SMARCB1: variants seen among roughly 807,000 people sequenced by gnomAD.
The protein encoded by SMARCB1 is SWI/SNF related BAF chromatin remodeling complex subunit B1.
A neutral mutation model predicts 49.0 loss-of-function variants in SMARCB1; 5 were observed. That is an observed-to-expected ratio of 0.10 (90% confidence interval 0.05 to 0.21). The LOEUF (loss-of-function observed/expected upper bound fraction) is 0.21. Among genes scored for constraint, SMARCB1 ranks in the 10% least tolerant of loss-of-function variants. The pLI is 1.00. For missense variants in SMARCB1, 226 were observed against 509.2 expected (o/e 0.44, Z 5.35); for synonymous variants, 201 against 200.1 (o/e 1.00, Z -0.04).
chr22:23,807,418 T>C (rs1245601881), intron 5 of SMARCB1, among the ~76,000 whole-genome samples: 1 of 152,038 alleles, frequency 6.6e-6, no homozygotes, highest in Non-Finnish European at 1.5e-5. Flanking sequence ...ACCCCATTTC[T>C]ACAAAAATTC....
At chr22:23,827,625 C>T (rs2146031518) in intron 7 of SMARCB1, among the ~76,000 whole-genome samples, 1 of 152,360 alleles carries the variant, frequency 6.6e-6, no homozygotes, top group Non-Finnish European at 1.5e-5. Flanking sequence ...AGGCAAAGGC[C>T]ATCCCGCTGG....
chr22:23,807,445 C>T (rs760858495), intron 5 of SMARCB1, among the ~76,000 whole-genome samples: 1 of 151,984 alleles, frequency 6.6e-6, no homozygotes, highest in Non-Finnish European at 1.5e-5. Flanking sequence ...TGTGGTAGCA[C>T]GTGCCTGTGA....
chr22:23,808,121 A>G (rs1457211626), intron 5 of SMARCB1, among the ~76,000 whole-genome samples: 5 of 145,918 alleles, frequency 3.4e-5, no homozygotes, highest in Non-Finnish European at 7.5e-5. Context: ...AGGCCCGGCT[A>G]ATTTTTTGTA....
At chr22:23,825,124 C>G in intron 6 of SMARCB1, 101 bp from the exon 7 acceptor site, 2 of 914,062 alleles carry the variant, frequency 2.2e-6, no homozygotes, top group Non-Finnish European at 3.6e-6. Flanking sequence ...GCTGGTGGAC[C>G]CTGGTGGGCA....
rs1249894415 is a variant in SMARCB1 at position 23,837,855 on chromosome 22, C to G, written c.*3675C>G. 2 of 1,610,582 alleles carry G rather than the reference C, an allele frequency of 1.2e-6. No homozygotes were observed. Among genetic ancestry groups the G allele is most frequent in the Non-Finnish European group, 1.7e-6 (2 of 1,178,012 alleles). ...ACAGGCTGCCCAGGAGTCCCAGCAG[C>G]TGGGCCAGAGTCAAGGTGCTCCGGT... is the stretch of plus-strand genomic sequence containing the variant. On this transcript the variant is annotated 3_prime_UTR_variant, in exon 9 of 9. Coordinates refer to ENST00000644036, the MANE Select transcript of SMARCB1 (RefSeq NM_003073.5).
rs1053449485 is a variant in SMARCB1, at chr22:23,803,798, A to G, written c.628+376A>G. On this transcript the variant is annotated intron_variant, in intron 5 of 8. Coordinates refer to ENST00000644036, the MANE Select transcript of SMARCB1 (RefSeq NM_003073.5). ...CTCTGCTTCTGCTGTGTGAGGCTGC[A>G]TGTGTGCCCCGTGCCTCTCTCCTCC... 3.1e-5 allele frequency: 11 copies of G among 356,946 alleles called. No homozygotes were observed. In the Admixed American group the frequency reaches 3.8e-4, roughly 12 times the overall value. 22.1% of individuals were successfully genotyped at this position (356,946 alleles called of 1,614,324 possible). A position where few individuals can be genotyped will look rare whatever the true frequency, so the allele number is the denominator to read the frequency against.
At chr22:23,828,757 G>A (rs895513798) in intron 7 of SMARCB1, among the ~76,000 whole-genome samples, 2 of 152,206 alleles carry the variant, frequency 1.3e-5, no homozygotes, top group African/African-American at 4.8e-5. Flanking sequence ...CTCAGTGCCT[G>A]ACTTCCATAC....
chr22:23,825,547 T>TAG (rs1303689806), intron 7 of SMARCB1, 132 bp downstream of exon 7: 8 of 796,630 alleles, frequency 1.0e-5, no homozygotes, highest in Non-Finnish European at 1.6e-5. Context: ...GGGGTCTGTG[T>TAG]GTTTGCTCCG....
chr22:23,835,844 G>A lies in SMARCB1; in HGVS notation c.*1664G>A. ...TCGGGCAGGGCCACCTGGCTGGGAGGTGCCGGGAAGGCTGGGCCCTCACTC... is the reference window on the plus strand; with the variant it reads ...TCGGGCAGGGCCACCTGGCTGGGAGATGCCGGGAAGGCTGGGCCCTCACTC... On this transcript the variant is annotated 3_prime_UTR_variant, in exon 9 of 9. Transcript: ENST00000644036. 1 of 984,242 alleles carries A rather than the reference G, an allele frequency of 1.0e-6. No individual in the cohort carries two copies. Among genetic ancestry groups the A allele is most frequent in the Non-Finnish European group, 1.2e-6 (1 of 829,582 alleles). 61.0% of individuals were successfully genotyped at this position (984,242 alleles called of 1,614,324 possible).
At chr22:23,811,544 C>G (rs1929870776) in intron 5 of SMARCB1, among the ~76,000 whole-genome samples, 1 of 152,194 alleles carries the variant, frequency 6.6e-6, no homozygotes, top group Non-Finnish European at 1.5e-5. Context: ...AGTGTGTTCT[C>G]CAACCACAAT....
chr22:23,830,383 C>T (rs9608204), intron 7 of SMARCB1, among the ~76,000 whole-genome samples: 4 of 152,182 alleles, frequency 2.6e-5, no homozygotes, highest in Non-Finnish European at 4.4e-5. Flanking sequence ...TTGCATTTTT[C>T]TAATGACTGA....
At chr22:23,804,310 T>G (rs573984675) in intron 5 of SMARCB1, 1 of 152,154 alleles carries the variant, frequency 6.6e-6, no homozygotes, top group South Asian at 2.1e-4. Flanking sequence ...GCTCAAGCAG[T>G]CCTCCTGCCA....
In SMARCB1 at chr22:23,834,165, G is replaced by A. The variant is rs750187119; in HGVS notation, c.1143G>A (p.Thr381=). 36 of 1,593,404 alleles carry A rather than the reference G, an allele frequency of 2.3e-5. No homozygotes were observed. Among genetic ancestry groups the A allele is most frequent in the Middle Eastern group, 1.6e-4 (1 of 6,062 alleles). The stretch of plus-strand genomic sequence containing the variant: ...GGCGGATGAGGCGTCTTGCCAACAC[G>A]GCCCCGGCCTGGTAACCAGCCCATC... ...NTRRMRRLAN[T]APAW is the part of the protein sequence containing the mutation. Residue 381 remains threonine (T), a synonymous_variant, in exon 9 of 9, where the codon ACG becomes ACA. Transcript: ENST00000644036.
At chr22:23,800,870 A>G in intron 3 of SMARCB1, 74 bp from the exon 4 acceptor site, 1 of 1,128,408 alleles carries the variant, frequency 8.9e-7, no homozygotes, top group Non-Finnish European at 1.4e-6. Flanking sequence ...GCATCCCTGG[A>G]GCATTAGTTG....
chr22:23,791,898 C>T lies in SMARCB1; in HGVS notation c.232+4C>T, dbSNP rs2145960673. 1 of 1,613,694 alleles carries T rather than the reference C, an allele frequency of 6.2e-7. No homozygotes were observed. The highest frequency in any genetic ancestry group is 8.5e-7 in the Non-Finnish European group (1 of 1,179,628). On this transcript the variant is annotated splice_donor_region_variant and intron_variant, in intron 2 of 8. Coordinates refer to ENST00000644036, the MANE Select transcript of SMARCB1 (RefSeq NM_003073.5). ...AAAACAAAACCTAACACTAAGGGTG[C>T]GTCTTCACGAGGGTTTGTAAACCTG...
intron 3 of SMARCB1, 76 bp downstream of exon 3, chr22:23,793,764 G>T (rs1928559693): frequency 4.1e-5 from 52 of 1,263,368 alleles, no homozygotes; most frequent in Non-Finnish European, 5.5e-5. Flanking sequence ...TGGTTGGGTT[G>T]AAGTTAAATT....
chr22:23,801,451 G>C (rs1315312918), intron 4 of SMARCB1: 2 of 547,826 alleles, frequency 3.7e-6, no homozygotes, highest in Non-Finnish European at 3.5e-6. Context: ...CCCAGAGCCT[G>C]CTGGAGTAAA....
chr22:23,793,494 A>G, intron 2 of SMARCB1, 65 bp from the exon 3 acceptor site: 1 of 1,585,776 alleles, frequency 6.3e-7, no homozygotes, highest in Admixed American at 1.7e-5. Flanking sequence ...TGCTGCATCC[A>G]CTTGGCTGGC....
intron 4 of SMARCB1, chr22:23,801,588 C>T: frequency 2.8e-6 from 1 of 351,210 alleles, no homozygotes. Flanking sequence ...CTCCAGAGGC[C>T]ATCGAGGCGA....
Sources: allele counts gnomAD v4.1 joint callset (sites outside exome capture counted in the v4.1 genomes callset), GRCh38; gene constraint gnomAD v4.1.1; transcripts MANE v1.5; gene names NCBI Gene and HGNC (gene_info 2026-07-23, HGNC 2026-07-21).